CSGALNACT1: variants seen among roughly 807,000 people sequenced by gnomAD.
CSGALNACT1 encodes chondroitin sulfate N-acetylgalactosaminyltransferase 1, also known as beta4GalNAcT-1.
Under a neutral mutation model 51.0 loss-of-function variants are expected in CSGALNACT1, and 52 were observed. That is an observed-to-expected ratio of 1.02 (90% CI 0.82 to 1.29). The LOEUF is 1.29. Ranked by LOEUF, CSGALNACT1 falls within the 50% of genes most tolerant of loss-of-function variation. The probability of loss-of-function intolerance (pLI) is 0.00; values close to 1 mark genes in which losing one functional copy is unlikely to be tolerated. For synonymous variants in CSGALNACT1, 341 were observed against 254.4 expected, an observed-to-expected ratio of 1.34 and a Z score of -3.24; for missense variants, 935 against 679.2, an observed-to-expected ratio of 1.38 and a Z score of -4.19.
intron 1 of CSGALNACT1, among the ~76,000 whole-genome samples, chr8:19,713,430 G>C (rs2062624692): frequency 6.6e-6 from 1 of 152,060 alleles, no homozygotes; most frequent in African/African-American, 2.4e-5. Context: ...GTTGAATTGT[G>C]TCCCCACTAA....
At chr8:19,584,492 T>A (rs2046228449) in intron 3 of CSGALNACT1, among the ~76,000 whole-genome samples, 1 of 152,250 alleles carries the variant, frequency 6.6e-6, no homozygotes. Context: ...TTACTAATGT[T>A]AGCTTTGTAT....
chr8:19,558,842 A>G (rs181258343), intron 3 of CSGALNACT1, among the ~76,000 whole-genome samples: 2 of 152,324 alleles, frequency 1.3e-5, no homozygotes, highest in East Asian at 1.9e-4. Flanking sequence ...CACGTCATCA[A>G]CATTCTTGGG....
At chr8:19,755,137 C>A (rs1448618819) in intron 1 of CSGALNACT1, among the ~76,000 whole-genome samples, 1 of 152,138 alleles carries the variant, frequency 6.6e-6, no homozygotes, top group Non-Finnish European at 1.5e-5. Flanking sequence ...CCCTTGCAGA[C>A]CTTACTGATA....
At chr8:19,647,431 C>T (rs1474226353) in intron 1 of CSGALNACT1, among the ~76,000 whole-genome samples, 1 of 152,110 alleles carries the variant, frequency 6.6e-6, no homozygotes, top group Middle Eastern at 3.2e-3. Flanking sequence ...AATATTTAAG[C>T]AAATAAAAAA....
intron 3 of CSGALNACT1, among the ~76,000 whole-genome samples, chr8:19,584,188 C>G (rs1020353830): frequency 2.6e-5 from 4 of 152,152 alleles, no homozygotes; most frequent in African/African-American, 9.7e-5. Context: ...ATCTGCAGAA[C>G]GTAATAGTCT....
intron 1 of CSGALNACT1, among the ~76,000 whole-genome samples, chr8:19,722,773 A>G (rs1176192238): frequency 6.6e-6 from 1 of 152,212 alleles, no homozygotes; most frequent in African/African-American, 2.4e-5. Context: ...GTATGACTAC[A>G]GCACCAGCTC....
rs1000116046 is a variant in CSGALNACT1, at chr8:19,565,639, C to T, written c.-297+25521G>A. Among the ~76,000 whole-genome samples the T allele has an allele frequency of 5.9e-5, 9 of 152,170 alleles. 1 individual carries two copies. In the South Asian group the frequency reaches 1.9e-3, roughly 31 times the overall value. Reference sequence around the variant, plus strand: ...TATTCTTACATTAAAGAACTTCAGGCCGGGCACAGTGGCTCACACCTGTAA... The same window carrying T: ...TATTCTTACATTAAAGAACTTCAGGTCGGGCACAGTGGCTCACACCTGTAA... On this transcript the variant is annotated intron_variant, in intron 3 of 9. Transcript: ENST00000454498.
chr8:19,704,072 T>C (rs1207386667), intron 1 of CSGALNACT1, among the ~76,000 whole-genome samples: 1 of 152,214 alleles, frequency 6.6e-6, no homozygotes, highest in Non-Finnish European at 1.5e-5. Flanking sequence ...AAGTTTTGAA[T>C]GAATGAAAGA....
rs377273688 is a variant in CSGALNACT1 at position 19,458,581 on chromosome 8, G to A, written c.696C>T (p.His232=). The A allele has an allele frequency of 9.3e-6, 15 of 1,614,046 alleles. No individual in the cohort carries two copies. Among genetic ancestry groups the A allele is most frequent in the Non-Finnish European group, 1.2e-5 (14 of 1,180,040 alleles). The change falls in exon 5 of 10, where the codon CAC becomes CAT. Residue 232 remains histidine (H), a synonymous_variant. Coordinates refer to ENST00000454498, the Ensembl canonical transcript of CSGALNACT1. The stretch of plus-strand genomic sequence containing the variant: ...AGATGAGCCGTTTGAATTCGTGTTT[G>A]TGGTCCCCTTTGAAGGTGAGCTCAT...
intron 3 of CSGALNACT1, among the ~76,000 whole-genome samples, chr8:19,576,896 C>G (rs950756363): frequency 1.8e-4 from 27 of 152,102 alleles, no homozygotes; most frequent in African/African-American, 6.5e-4. Context: ...TCCATTAGCA[C>G]TGGGGCAGGT....
intron 1 of CSGALNACT1, among the ~76,000 whole-genome samples, chr8:19,723,378 T>C (rs2063229427): frequency 6.6e-6 from 1 of 152,256 alleles, no homozygotes; most frequent in South Asian, 2.1e-4. Context: ...GAAAGTGTAA[T>C]TACACTTACA....
At chr8:19,643,594 C>T (rs771824630) in intron 1 of CSGALNACT1, among the ~76,000 whole-genome samples, 25 of 151,036 alleles carry the variant, frequency 1.7e-4, no homozygotes, top group Non-Finnish European at 3.2e-4. Flanking sequence ...GCCAAGACTG[C>T]ACCACTGCAC....
chr8:19,570,384 AG>A (rs1196283772), intron 3 of CSGALNACT1, among the ~76,000 whole-genome samples: 1 of 152,208 alleles, frequency 6.6e-6, no homozygotes, highest in African/African-American at 2.4e-5. Flanking sequence ...AATCCAACAA[AG>A]AATTGTATTC....
intron 4 of CSGALNACT1, among the ~76,000 whole-genome samples, chr8:19,479,690 T>G (rs911928874): frequency 2.0e-5 from 3 of 151,784 alleles, no homozygotes; most frequent in South Asian, 2.1e-4. Context: ...CTGTTAGGAT[T>G]CCTCATTAAG....
At position 19,482,732 on chromosome 8, in the gene CSGALNACT1, C is replaced by T. The variant is rs372295480; in HGVS notation, c.634+22469G>A. ...TCGCTTTTCACTCTCAATGTTTCTA[C>T]GGAAAATCTCATCCATCTCCACAGT... On this transcript the variant is annotated intron_variant, in intron 4 of 9. Coordinates refer to ENST00000454498, the Ensembl canonical transcript of CSGALNACT1. 9.9e-5 allele frequency among the ~76,000 whole-genome samples: 15 copies of T among 152,122 alleles called. No individual in the cohort carries two copies. The South Asian group carries it at 1.2e-3, about 13-fold the overall frequency.
rs57194155 is a variant in CSGALNACT1 at position 19,728,484 on chromosome 8, G to A, written c.-297+29366C>T. Among the ~76,000 whole-genome samples, 93 of 152,272 alleles carry A rather than the reference G, an allele frequency of 6.1e-4. 1 individual carries two copies. The East Asian group carries it at 0.013, about 21-fold the overall frequency. ...ATGCTTCAACTCACTGGTGTGAGCTGAAGATAGAATTTCATTTTAAACTCT... is the reference window on the plus strand; with the variant it reads ...ATGCTTCAACTCACTGGTGTGAGCTAAAGATAGAATTTCATTTTAAACTCT... On this transcript the variant is annotated intron_variant, in intron 1 of 1. Coordinates refer to the CSGALNACT1 transcript ENST00000517494.
At chr8:19,704,180 C>G (rs911843807) in intron 1 of CSGALNACT1, among the ~76,000 whole-genome samples, 1 of 152,180 alleles carries the variant, frequency 6.6e-6, no homozygotes, top group Non-Finnish European at 1.5e-5. Context: ...TCTTCCATTT[C>G]CCCCAGTCCC....
chr8:19,753,878 T>A (rs2065195111), intron 1 of CSGALNACT1, among the ~76,000 whole-genome samples: 1 of 152,246 alleles, frequency 6.6e-6, no homozygotes, highest in Non-Finnish European at 1.5e-5. Flanking sequence ...AAAAACACCT[T>A]GGAGTTGTTC....
At chr8:19,480,562 G>C (rs566596032) in intron 4 of CSGALNACT1, among the ~76,000 whole-genome samples, 1 of 152,158 alleles carries the variant, frequency 6.6e-6, no homozygotes, top group African/African-American at 2.4e-5. Flanking sequence ...GTTGTGAGTA[G>C]TGCTGCAATG....
Sources: allele counts gnomAD v4.1 joint callset (sites outside exome capture counted in the v4.1 genomes callset), GRCh38; gene constraint gnomAD v4.1.1; transcripts MANE v1.5; gene names NCBI Gene and HGNC (gene_info 2026-07-23, HGNC 2026-07-21).